PCDH19: variants seen among roughly 807,000 people sequenced by gnomAD.
PCDH19 encodes protocadherin-19.
PCDH19 carries 6 observed loss-of-function variants against 46.2 expected under a neutral mutation model. The ratio of observed to expected loss-of-function variants is 0.13; its 90% CI spans 0.07 to 0.26. PCDH19 has a LOEUF of 0.26. PCDH19 is among the 10% of genes least tolerant of loss of function. The probability of loss-of-function intolerance (pLI) is 1.00; values close to 1 mark genes in which losing one functional copy is unlikely to be tolerated. For missense variants in PCDH19, 740 were observed against 972.3 expected, an observed-to-expected ratio of 0.76 and a Z score of 3.18; for synonymous variants, 481 against 415.7, an observed-to-expected ratio of 1.16 and a Z score of -1.91.
At chrX:100,367,636 G>T (rs991039914) in intron 3 of PCDH19, among the ~76,000 whole-genome samples, 2 of 111,476 alleles carry the variant, frequency 1.8e-5, no homozygotes, top group Non-Finnish European at 3.8e-5. Context: ...GAGCCATTTT[G>T]CAGGGCCAAT....
rs1243266754 is a variant in PCDH19 at position 100,407,294 on chromosome X, C to T, written c.1304G>A (p.Ser435Asn). Residue 435 changes from serine to asparagine, a missense_variant, in exon 1 of 6, where the codon AGT becomes AAT. By Grantham distance (46) the Ser-to-Asn change is conservative (BLOSUM62 1). Around this residue, in one of 5 missense-constraint regions of PCDH19, gnomAD observed 186 missense variants for 319.9 expected, o/e 0.58. Transcript: ENST00000373034. ...ARDGGVPMLQ[S>N]AKSFTVLITD... is the part of the protein sequence containing the mutation. ...GATGAGCACGGTAAAGGACTTGGCA[C>T]TCTGCAGCATGGGCACGCCGCCGTC... 6 of 1,210,966 alleles carry T rather than the reference C, an allele frequency of 5.0e-6. No homozygotes were observed. The highest frequency in any genetic ancestry group is 3.5e-5 in the African/African-American group (2 of 57,442).
At chrX:100,358,264 C>A (rs185416513) in intron 3 of PCDH19, among the ~76,000 whole-genome samples, 2 of 111,923 alleles carry the variant, frequency 1.8e-5, no homozygotes, top group Non-Finnish European at 3.8e-5. Context: ...GAGTCACAGA[C>A]GGACAGTGTG....
chrX:100,322,195 T>A (rs918614646), intron 5 of PCDH19, among the ~76,000 whole-genome samples: 1 of 111,590 alleles, frequency 9.0e-6, no homozygotes, highest in Non-Finnish European at 1.9e-5. Flanking sequence ...ATTTTTATAG[T>A]TTCAGGTCTT....
At chrX:100,360,537 C>G (rs1028597533) in intron 3 of PCDH19, among the ~76,000 whole-genome samples, 4 of 112,213 alleles carry the variant, frequency 3.6e-5, no homozygotes, top group African/African-American at 1.3e-4. Flanking sequence ...GATATGTACA[C>G]ACAGCATTCA....
chrX:100,351,111 T>C (rs1926558498), intron 3 of PCDH19, among the ~76,000 whole-genome samples: 1 of 113,191 alleles, frequency 8.8e-6, no homozygotes, highest in Non-Finnish European at 1.9e-5. Flanking sequence ...TTAAAATATT[T>C]ATTCCAAAGA....
At chrX:100,382,764 A>T (rs948309907) in intron 3 of PCDH19, among the ~76,000 whole-genome samples, 2 of 112,088 alleles carry the variant, frequency 1.8e-5, no homozygotes, top group African/African-American at 6.5e-5. Flanking sequence ...ATACTAAGGG[A>T]TAACATCAGA....
intron 3 of PCDH19, among the ~76,000 whole-genome samples, chrX:100,378,322 G>C (rs1281677697): frequency 8.8e-6 from 1 of 113,188 alleles, no homozygotes; most frequent in Non-Finnish European, 1.9e-5. Flanking sequence ...GGATCCTTGA[G>C]ATAAGGGGGA....
chrX:100,372,815 G>A (rs1374988022), intron 3 of PCDH19, among the ~76,000 whole-genome samples: 1 of 112,043 alleles, frequency 8.9e-6, no homozygotes, highest in Non-Finnish European at 1.9e-5. Flanking sequence ...CTGTTTATGT[G>A]TGATCTCAGA....
At position 100,306,557 on chromosome X, in the gene PCDH19, C is replaced by G. The variant is rs778345718; in HGVS notation, c.2849-9682G>C. 7.7e-4 allele frequency among the ~76,000 whole-genome samples: 85 copies of G among 109,951 alleles called. 1 individual carries two copies. Among genetic ancestry groups the G allele is most frequent in the Non-Finnish European group, 1.4e-3 (71 of 52,407 alleles). ...AAACCCAGCACAAGAAAAGAAATAA[C>G]CAAGATCAGAGCAGAACTAAATGAA... On this transcript the variant is annotated intron_variant, in intron 5 of 5. Coordinates refer to ENST00000373034, the MANE Select transcript of PCDH19 (RefSeq NM_001184880.2).
intron 3 of PCDH19, among the ~76,000 whole-genome samples, chrX:100,377,694 A>C: frequency 8.9e-6 from 1 of 111,946 alleles, no homozygotes; most frequent in East Asian, 2.8e-4. Context: ...CAACCCAGTG[A>C]CTGCTGATGA....
At chrX:100,319,125 C>T (rs1033481424) in intron 5 of PCDH19, among the ~76,000 whole-genome samples, 6 of 111,471 alleles carry the variant, frequency 5.4e-5, no homozygotes, top group African/African-American at 1.6e-4. Context: ...GAAGCAAAAA[C>T]GGGCTGCACC....
At chrX:100,369,544 A>G (rs1018988291) in intron 3 of PCDH19, among the ~76,000 whole-genome samples, 1 of 112,336 alleles carries the variant, frequency 8.9e-6, no homozygotes, top group Non-Finnish European at 1.9e-5. Context: ...TTTGTACTCA[A>G]CGTAACTAAT....
At chrX:100,320,216 C>A (rs968517214) in intron 5 of PCDH19, among the ~76,000 whole-genome samples, 2 of 111,525 alleles carry the variant, frequency 1.8e-5, no homozygotes, top group African/African-American at 6.5e-5. Flanking sequence ...ACTTTCCAAA[C>A]AATCTTTCCA....
At chrX:100,319,254 G>C (rs1419918851) in intron 5 of PCDH19, among the ~76,000 whole-genome samples, 1 of 111,361 alleles carries the variant, frequency 9.0e-6, no homozygotes, top group Non-Finnish European at 1.9e-5. Context: ...TTAAGTGTAA[G>C]GGACACATAT....
At position 100,295,034 on chromosome X, in the gene PCDH19, T is replaced by C. The variant is rs1016527384; in HGVS notation, c.*1243A>G. 3.2e-4 allele frequency: 36 copies of C among 112,485 alleles called. No individual in the cohort carries two copies. The highest frequency in any genetic ancestry group is 1.1e-3 in the African/African-American group (35 of 30,877). 9.3% of individuals were successfully genotyped at this position (112,485 alleles called of 1,213,427 possible). On this transcript the variant is annotated 3_prime_UTR_variant, in exon 6 of 6. Coordinates refer to ENST00000373034, the MANE Select transcript of PCDH19 (RefSeq NM_001184880.2). ...GAAGGCACAGTAATTGGATTAGCGA[T>C]GCTGTTACCTGTTACCTGTCTTTTC...
intron 3 of PCDH19, among the ~76,000 whole-genome samples, chrX:100,363,685 ATATTTTATATATAATATATT>A (rs58690091): frequency 0.27 from 25,705 of 96,475 alleles, 3,339 homozygotes; most frequent in Non-Finnish European, 0.33. Flanking sequence ...TATATAAAAC[ATATTTTATATATAATATATT>A]TATTTTATAT....
chrX:100,363,739 T>TA (rs1309204726), intron 3 of PCDH19, among the ~76,000 whole-genome samples: 1 of 99,666 alleles, frequency 1.0e-5, no homozygotes, highest in African/African-American at 3.6e-5. Context: ...TTTATATATA[T>TA]AAATAATATA....
At chrX:100,350,574 A>C in intron 4 of PCDH19, 72 bp downstream of exon 4, 1 of 737,235 alleles carries the variant, frequency 1.4e-6, no homozygotes, top group Admixed American at 2.5e-5. Flanking sequence ...ACGTTTTAAA[A>C]ATTTTAATCT....
At chrX:100,398,550 C>T (rs1246001045) in intron 3 of PCDH19, among the ~76,000 whole-genome samples, 1 of 111,879 alleles carries the variant, frequency 8.9e-6, no homozygotes, top group African/African-American at 3.3e-5. Context: ...GTCTACAAAG[C>T]GACAGGTGAT....
Sources: allele counts gnomAD v4.1 joint callset (sites outside exome capture counted in the v4.1 genomes callset), GRCh38; gene constraint gnomAD v4.1.1; regional missense constraint gnomAD v4.1.1; transcripts MANE v1.5; gene names NCBI Gene and HGNC (gene_info 2026-07-23, HGNC 2026-07-21).